The following GALNTL6 variants were observed in gnomAD, a reference collection of about 807,000 sequenced individuals.
GALNTL6 encodes the protein polypeptide N-acetylgalactosaminyltransferase like 6.
GALNTL6 carries 46 observed loss-of-function variants against 73.7 expected under a neutral mutation model. That is an observed-to-expected ratio of 0.62 (90% confidence interval 0.49 to 0.80). The LOEUF (loss-of-function observed/expected upper bound fraction) is 0.80. Among genes scored for constraint, GALNTL6 ranks in the 30% least tolerant of loss-of-function variants. The probability of loss-of-function intolerance (pLI) is 0.00; values close to 1 mark genes in which losing one functional copy is unlikely to be tolerated. For missense variants in GALNTL6, 604 were observed against 755.0 expected, an observed-to-expected ratio of 0.80 and a Z score of 2.34; for synonymous variants, 259 against 263.7, an observed-to-expected ratio of 0.98 and a Z score of 0.17.
At chr4:172,906,951 A>G (rs927419624) in intron 8 of GALNTL6, among the ~76,000 whole-genome samples, 1 of 152,210 alleles carries the variant, frequency 6.6e-6, no homozygotes, top group African/African-American at 2.4e-5. Context: ...CCGACTTCAT[A>G]GAATGTCATC....
At chr4:171,953,162 C>T (rs1263585481) in intron 2 of GALNTL6, among the ~76,000 whole-genome samples, 1 of 151,824 alleles carries the variant, frequency 6.6e-6, no homozygotes, top group South Asian at 2.1e-4. Flanking sequence ...TAGTCGGTTA[C>T]CCCAAATTAA....
intron 2 of GALNTL6, among the ~76,000 whole-genome samples, chr4:171,846,179 T>C (rs112821294): frequency 3.0e-4 from 46 of 152,336 alleles, no homozygotes; most frequent in African/African-American, 1.1e-3. Context: ...ATATTGTAGT[T>C]GATCCACTTT....
chr4:172,795,501 A>G (rs1023833563), intron 5 of GALNTL6, among the ~76,000 whole-genome samples: 4 of 152,172 alleles, frequency 2.6e-5, no homozygotes, highest in African/African-American at 9.7e-5. Flanking sequence ...TCCATAGCAA[A>G]TGAAGACAAA....
intron 5 of GALNTL6, among the ~76,000 whole-genome samples, chr4:172,580,888 G>A (rs922145190): frequency 3.3e-5 from 5 of 152,020 alleles, no homozygotes; most frequent in Admixed American, 2.0e-4. Flanking sequence ...CAAGCCTCCC[G>A]AGTAGCTGGG....
chr4:171,975,906 G>A (rs937375425), intron 2 of GALNTL6, among the ~76,000 whole-genome samples: 2 of 151,038 alleles, frequency 1.3e-5, no homozygotes, highest in African/African-American at 2.4e-5. Flanking sequence ...TGCACAAAAT[G>A]TATGTGGAGT....
chr4:172,175,227 C>G (rs916464680), intron 2 of GALNTL6, among the ~76,000 whole-genome samples: 3 of 152,086 alleles, frequency 2.0e-5, no homozygotes, highest in Non-Finnish European at 2.9e-5. Flanking sequence ...CAGGCATGCA[C>G]CACCATACCT....
At chr4:172,434,196 G>C (rs1005119399) in intron 5 of GALNTL6, among the ~76,000 whole-genome samples, 6 of 151,988 alleles carry the variant, frequency 3.9e-5, no homozygotes, top group African/African-American at 9.7e-5. Context: ...ATGGGATATA[G>C]ATTCTAGTTT....
chr4:171,993,138 T>A (rs899708106), intron 2 of GALNTL6, among the ~76,000 whole-genome samples: 1 of 152,008 alleles, frequency 6.6e-6, no homozygotes, highest in East Asian at 1.9e-4. Context: ...CAATTATTCT[T>A]ATTATAGAAT....
At chr4:172,887,310 T>G (rs1220502307) in intron 8 of GALNTL6, among the ~76,000 whole-genome samples, 1 of 152,140 alleles carries the variant, frequency 6.6e-6, no homozygotes, top group African/African-American at 2.4e-5. Flanking sequence ...TGCATATGTC[T>G]TTTTGGTAAA....
chr4:172,095,862 A>G (rs1215544770), intron 2 of GALNTL6, among the ~76,000 whole-genome samples: 1 of 151,996 alleles, frequency 6.6e-6, no homozygotes, highest in East Asian at 1.9e-4. Flanking sequence ...TATCCTAAGT[A>G]TTCTAAAATT....
intron 2 of GALNTL6, among the ~76,000 whole-genome samples, chr4:171,934,527 C>T (rs752151314): frequency 1.7e-4 from 26 of 152,140 alleles, no homozygotes; most frequent in Non-Finnish European, 3.8e-4. Flanking sequence ...GATTCTCTCA[C>T]GTCAGCCTCC....
chr4:171,996,917 AG>A (rs1214563301), intron 2 of GALNTL6, among the ~76,000 whole-genome samples: 1 of 152,152 alleles, frequency 6.6e-6, no homozygotes, highest in Non-Finnish European at 1.5e-5. Context: ...TGAAGTTTAT[AG>A]AACTAGATCT....
chr4:172,571,636 G>T (rs552170742), intron 5 of GALNTL6, among the ~76,000 whole-genome samples: 1 of 152,268 alleles, frequency 6.6e-6, no homozygotes, highest in Non-Finnish European at 1.5e-5. Flanking sequence ...CTGAGTGCAA[G>T]AAATTCAACA....
intron 7 of GALNTL6, among the ~76,000 whole-genome samples, chr4:172,870,309 C>T (rs141461021): frequency 2.0e-5 from 3 of 152,122 alleles, no homozygotes; most frequent in Non-Finnish European, 4.4e-5. Context: ...TTGAGTAATG[C>T]TCCTCCCTCA....
chr4:172,789,095 T>C (rs991231323), intron 5 of GALNTL6, among the ~76,000 whole-genome samples: 4 of 152,102 alleles, frequency 2.6e-5, no homozygotes, highest in African/African-American at 9.7e-5. Context: ...TCAATTCAAT[T>C]CCGAACCTGT....
chr4:172,717,456 G>A (rs559337643), intron 5 of GALNTL6, among the ~76,000 whole-genome samples: 11 of 152,304 alleles, frequency 7.2e-5, no homozygotes, highest in African/African-American at 2.6e-4. Flanking sequence ...ATATATTGGT[G>A]AAAATGAACA....
At chr4:172,172,173 G>A (rs115246943) in intron 2 of GALNTL6, among the ~76,000 whole-genome samples, 2,169 of 152,050 alleles carry the variant, frequency 0.014, 55 homozygotes, top group African/African-American at 0.05. Context: ...AACTAGCATT[G>A]TTTTTTGTTT....
At chr4:171,842,189 A>C (rs1735254872) in intron 2 of GALNTL6, among the ~76,000 whole-genome samples, 1 of 152,168 alleles carries the variant, frequency 6.6e-6, no homozygotes, top group African/African-American at 2.4e-5. Flanking sequence ...TATAGTATAC[A>C]TTCTAAATAT....
intron 2 of GALNTL6, among the ~76,000 whole-genome samples, chr4:172,118,470 C>T (rs1001125435): frequency 1.3e-5 from 2 of 151,954 alleles, no homozygotes; most frequent in East Asian, 1.9e-4. Context: ...GAGGCCAAGG[C>T]GGGTGGATTA....
Sources: gnomAD v4.1 joint callset for allele counts (sites outside exome capture counted in the v4.1 genomes callset) on GRCh38, gnomAD v4.1.1 for gene constraint, MANE v1.5 for transcripts, NCBI Gene and HGNC (gene_info 2026-07-23, HGNC 2026-07-21) for gene names.